CHD5: variants seen among roughly 807,000 people sequenced by gnomAD.
CHD5 encodes chromodomain helicase DNA binding protein 5.
Under a neutral mutation model 230.3 loss-of-function variants are expected in CHD5, and 69 were observed. The observed-to-expected ratio is 0.30, with a 90% CI of 0.25 to 0.37. CHD5 has a LOEUF of 0.37. Ranked by LOEUF, CHD5 falls within the 10% of genes least tolerant of loss-of-function variation. The probability of loss-of-function intolerance (pLI) is 1.00; values close to 1 mark genes in which losing one functional copy is unlikely to be tolerated. For synonymous variants in CHD5, 1,064 were observed against 1,065.9 expected (o/e 1.00, Z 0.03); for missense variants, 1,827 against 2,622.8 (o/e 0.70, Z 6.63).
rs1666707367 is a variant in CHD5, at chr1:6,134,438, G to A, written c.3013-179C>T. On this transcript the variant is annotated intron_variant, in intron 19 of 41. Transcript: ENST00000262450. The surrounding 1 kb of genome is among the most constrained non-coding windows in gnomAD (Gnocchi z 6.3). ...CCCCACAGTGCGGGGTAGACCGTGG[G>A]TCCCACGGCCCTGGCTCCAGGCCCC... Among the ~76,000 whole-genome samples the A allele has an allele frequency of 1.3e-5, 2 of 152,160 alleles. No homozygotes were observed. The highest frequency in any genetic ancestry group is 4.1e-4 in the South Asian group (2 of 4,828).
At chr1:6,133,892 C>G (rs1459826757) in intron 20 of CHD5, among the ~76,000 whole-genome samples, 1 of 152,188 alleles carries the variant, frequency 6.6e-6, no homozygotes, top group East Asian at 1.9e-4. Context: ...CCTGGACATG[C>G]AGACCAGAAG....
chr1:6,110,846 T>TA (rs899354077), intron 36 of CHD5, among the ~76,000 whole-genome samples: 1 of 152,076 alleles, frequency 6.6e-6, no homozygotes, highest in South Asian at 2.1e-4. Context: ...TTTTCGGAAA[T>TA]AGAGTATTTG....
At position 6,134,107 on chromosome 1, in the gene CHD5, G is replaced by T. The variant is rs183626035; in HGVS notation, c.3144+21C>A. 7 of 1,607,648 alleles carry T rather than the reference G, an allele frequency of 4.4e-6. No homozygotes were observed. In the East Asian group the frequency reaches 1.6e-4, roughly 36 times the overall value. On this transcript the variant is annotated intron_variant, in intron 20 of 41. Coordinates refer to ENST00000262450, the MANE Select transcript of CHD5 (RefSeq NM_015557.3). The surrounding 1 kb of genome is among the most constrained non-coding windows in gnomAD (Gnocchi z 6.3). The stretch of plus-strand genomic sequence containing the variant: ...TCTGTGGGGTGTGGAGCCGGGGCGG[G>T]GGTGGGCAGGGGCAGCGCACCTGGG...
intron 20 of CHD5, among the ~76,000 whole-genome samples, chr1:6,133,791 C>A (rs2100850197): frequency 6.6e-6 from 1 of 152,354 alleles, no homozygotes; most frequent in East Asian, 1.9e-4. Flanking sequence ...GAGAGGGGCT[C>A]CTCCCAACCA....
At chr1:6,118,285 G>A (rs1430315947) in intron 33 of CHD5, among the ~76,000 whole-genome samples, 1 of 150,116 alleles carries the variant, frequency 6.7e-6, no homozygotes, top group Non-Finnish European at 1.5e-5. Flanking sequence ...GGCTGAGGTG[G>A]AAAGATCGCT....
Position 6,142,916 on chromosome 1 carries a change from C to T in CHD5, c.2044-311G>A, listed in dbSNP as rs2100857716. On this transcript the variant is annotated intron_variant, in intron 13 of 41. Transcript: ENST00000262450. This position sits in a 1 kb window ranked among gnomAD's most constrained non-coding sequence, Gnocchi z 5.2. ...TTGTCATCACCACCTTGGTCCTGTT[C>T]ACTGCCTCCTCTTGAGTACCACACA... 1.3e-5 allele frequency among the ~76,000 whole-genome samples: 2 copies of T among 152,350 alleles called. No homozygotes were observed. The highest frequency in any genetic ancestry group is 3.9e-4 in the East Asian group (2 of 5,186).
rs951559480 is a variant in CHD5 at position 6,126,241 on chromosome 1, G to A, written c.4078+331C>T. Among the ~76,000 whole-genome samples, 3 of 152,066 alleles carry A rather than the reference G, an allele frequency of 2.0e-5. No individual in the cohort carries two copies. The highest frequency in any genetic ancestry group is 1.3e-4 in the Admixed American group (2 of 15,284). On this transcript the variant is annotated intron_variant, in intron 26 of 41. Coordinates refer to ENST00000262450, the MANE Select transcript of CHD5 (RefSeq NM_015557.3). The surrounding 1 kb of genome is among the most constrained non-coding windows in gnomAD (Gnocchi z 5.7). ...CAACCAGCGCCGCCCAGCGTTCCTGGCCCCCACCTCCCGGGGGGGTCCTGC... is the reference window on the plus strand; with the variant it reads ...CAACCAGCGCCGCCCAGCGTTCCTGACCCCCACCTCCCGGGGGGGTCCTGC...
chr1:6,112,326 G>C (rs775096933), intron 34 of CHD5, 49 bp from the exon 35 acceptor site: 3 of 1,599,854 alleles, frequency 1.9e-6, no homozygotes, highest in Non-Finnish European at 2.6e-6. Flanking sequence ...AAAAAGCAGT[G>C]CCCAGCGGCC....
intron 38 of CHD5, among the ~76,000 whole-genome samples, chr1:6,107,880 G>C (rs1666218918): frequency 6.8e-6 from 1 of 146,944 alleles, no homozygotes; most frequent in South Asian, 2.2e-4. Context: ...ATGGAGGGAT[G>C]GAGGGGTGGA....
Position 6,149,251 on chromosome 1 carries a change from G to T in CHD5, c.1156C>A (p.His386Asn). ...KAPEGKWSCP[H>N]CEKEGIQWEP... is the part of the protein sequence containing the mutation. The stretch of plus-strand genomic sequence containing the variant: ...GGGGCTCTGCCAAGGCTTACACAGT[G>T]GGGGCAGCTCCACTTGCCCTCGGGA... The change falls in exon 8 of 42, where the codon CAC becomes AAC. Residue 386 changes from histidine (H) to asparagine (N), a missense_variant. This residue lies in a region of CHD5 where 657 missense variants were observed against 816.4 expected (regional missense o/e 0.80). Coordinates refer to ENST00000262450, the MANE Select transcript of CHD5 (RefSeq NM_015557.3). 1 of 1,603,478 alleles carries T rather than the reference G, an allele frequency of 6.2e-7. No homozygotes were observed. Among genetic ancestry groups the T allele is most frequent in the Non-Finnish European group, 8.5e-7 (1 of 1,173,974 alleles).
Position 6,126,501 on chromosome 1 carries a change from G to T in CHD5, c.4078+71C>A. The T allele has an allele frequency of 8.5e-7, 1 of 1,181,286 alleles. No homozygotes were observed. The highest frequency in any genetic ancestry group is 1.3e-6 in the Non-Finnish European group (1 of 795,036). 73.2% of individuals were successfully genotyped at this position (1,181,286 alleles called of 1,614,324 possible). On this transcript the variant is annotated intron_variant, in intron 26 of 41. Coordinates refer to ENST00000262450, the MANE Select transcript of CHD5 (RefSeq NM_015557.3). The surrounding 1 kb of genome is among the most constrained non-coding windows in gnomAD (Gnocchi z 5.7). ...CCTCCCGGGGGTTCTGCACAGGGAT[G>T]CCCTGACAGAATCCTGCCCCACCCT...
intron 15 of CHD5, among the ~76,000 whole-genome samples, chr1:6,140,967 AAATAATAATAATAAT>A (rs60543576): frequency 1.4e-5 from 2 of 139,920 alleles, no homozygotes; most frequent in African/African-American, 2.7e-5. Flanking sequence ...CCCTGTCTCA[AAATAATAATAATAAT>A]AATAATAATA....
chr1:6,171,031 AG>A (rs1163579274), intron 1 of CHD5, among the ~76,000 whole-genome samples: 1 of 152,086 alleles, frequency 6.6e-6, no homozygotes, highest in Non-Finnish European at 1.5e-5. Flanking sequence ...TGCAATCTCG[AG>A]GGGGGGCCTC....
chr1:6,112,394 A>G (rs1217687529), intron 34 of CHD5, 117 bp from the exon 35 acceptor site: 2 of 1,290,172 alleles, frequency 1.6e-6, no homozygotes, highest in African/African-American at 1.5e-5. Flanking sequence ...TCTTGTCCTC[A>G]GGGGACTCGC....
At chr1:6,169,836 A>G (rs11121393) in intron 1 of CHD5, among the ~76,000 whole-genome samples, 36,600 of 151,896 alleles carry the variant, frequency 0.24, 7,330 homozygotes, top group African/African-American at 0.55. Context: ...ACTCAGGAGC[A>G]CTCAGGGGAA....
At chr1:6,149,102 C>A in intron 8 of CHD5, 27 bp from the exon 9 acceptor site, 1 of 1,479,946 alleles carries the variant, frequency 6.8e-7, no homozygotes, top group Non-Finnish European at 9.0e-7. Context: ...GGTGGAGGCA[C>A]CCTGGGCGGG....
chr1:6,149,224 C>T, intron 8 of CHD5, 22 bp downstream of exon 8: 1 of 1,558,880 alleles, frequency 6.4e-7, no homozygotes, highest in Non-Finnish European at 8.7e-7. Context: ...CGCCCCCAGC[C>T]CGGGGCTCTG....
At position 6,125,650 on chromosome 1, in the gene CHD5, C is replaced by G; in HGVS notation, c.4172-38G>C. On this transcript the variant is annotated intron_variant, in intron 27 of 41. Transcript: ENST00000262450. The surrounding 1 kb of genome is among the most constrained non-coding windows in gnomAD (Gnocchi z 6.7). ...CCGCCACAGTTCCTCAGGTGGGAGC[C>G]CAGAGATTCCTGATCCCCAAGGACA... 2 of 1,611,598 alleles carry G rather than the reference C, an allele frequency of 1.2e-6. No homozygotes were observed. Among genetic ancestry groups the G allele is most frequent in the South Asian group, 1.1e-5 (1 of 91,020 alleles).
Position 6,149,430 on chromosome 1 carries a change from C to T in CHD5, c.995-18G>A. ...ATCATCAACTAGGGTAGGGGAGAGGCAGTCATGGAAGTCCTCATCCACACT... is the reference window on the plus strand; with the variant it reads ...ATCATCAACTAGGGTAGGGGAGAGGTAGTCATGGAAGTCCTCATCCACACT... On this transcript the variant is annotated intron_variant, in intron 7 of 41. Coordinates refer to ENST00000262450, the MANE Select transcript of CHD5 (RefSeq NM_015557.3). 1 of 1,589,902 alleles carries T rather than the reference C, an allele frequency of 6.3e-7. No homozygotes were observed. The highest frequency in any genetic ancestry group is 1.1e-5 in the South Asian group (1 of 88,056).
Sources: gnomAD v4.1 joint callset for allele counts (sites outside exome capture counted in the v4.1 genomes callset) on GRCh38, gnomAD v4.1.1 for gene constraint, gnomAD v4.1.1 regional missense constraint, Gnocchi (gnomAD v3.1) non-coding constraint, MANE v1.5 for transcripts, NCBI Gene and HGNC (gene_info 2026-07-23, HGNC 2026-07-21) for gene names.